CSMD1: variants seen among roughly 807,000 people sequenced by gnomAD.
CSMD1 encodes CUB and sushi domain-containing protein 1.
A neutral mutation model predicts 417.5 loss-of-function variants in CSMD1; 213 were observed. The ratio of observed to expected loss-of-function variants is 0.51; its 90% CI spans 0.46 to 0.57. The LOEUF (loss-of-function observed/expected upper bound fraction) is 0.57, where lower values mean the gene tolerates loss of function less well. Ranked by LOEUF, CSMD1 falls within the 20% of genes least tolerant of loss-of-function variation. The probability of loss-of-function intolerance (pLI) is 0.00; values close to 1 mark genes in which losing one functional copy is unlikely to be tolerated. For missense variants in CSMD1, 6,923 were observed against 4,529.7 expected (o/e 1.53, Z -15.17); for synonymous variants, 2,862 against 1,736.8 (o/e 1.65, Z -16.11).
At chr8:4,033,746 A>G (rs1205967700) in intron 3 of CSMD1, among the ~76,000 whole-genome samples, 1 of 152,156 alleles carries the variant, frequency 6.6e-6, no homozygotes, top group Non-Finnish European at 1.5e-5. Flanking sequence ...ATAATGGGGT[A>G]TTGATTCTGT....
chr8:3,877,072 A>T (rs1364881219), intron 5 of CSMD1, among the ~76,000 whole-genome samples: 3 of 152,196 alleles, frequency 2.0e-5, no homozygotes, highest in Non-Finnish European at 2.9e-5. Flanking sequence ...CAATGTCTTA[A>T]GGTTCTTACA....
chr8:3,106,543 G>C lies in CSMD1; in HGVS notation c.6934C>G (p.Leu2312Val). ...LSSQLQFEGSLPTCEAQCPAN... is the reference protein window; with the variant it reads ...LSSQLQFEGSVPTCEAQCPAN... The stretch of plus-strand genomic sequence containing the variant: ...CAGTGCATACCTTCACATGTTGGGA[G>C]AGAACCCTCAAACTGCAACTGGGAA... The change falls in exon 46 of 70, where the codon CTC becomes GTC. Residue 2312 changes from leucine (L) to valine (V), a missense_variant. By Grantham distance (32) the Leu-to-Val change is conservative. Coordinates refer to ENST00000635120, the MANE Select transcript of CSMD1 (RefSeq NM_033225.6). The C allele has an allele frequency of 6.2e-7, 1 of 1,612,504 alleles. No homozygotes were observed. Among genetic ancestry groups the C allele is most frequent in the South Asian group, 1.1e-5 (1 of 90,970 alleles).
intron 1 of CSMD1, among the ~76,000 whole-genome samples, chr8:4,991,560 G>C (rs895755567): frequency 1.2e-4 from 18 of 152,268 alleles, no homozygotes; most frequent in African/African-American, 3.8e-4. Context: ...CGCGCGCGGC[G>C]CAGCTGCCCA....
At chr8:4,348,452 A>G (rs34124324) in intron 3 of CSMD1, among the ~76,000 whole-genome samples, 18,302 of 152,006 alleles carry the variant, frequency 0.12, 1,557 homozygotes, top group African/African-American at 0.23. Flanking sequence ...GGCCTTTCTG[A>G]TCATTTGCTG....
intron 3 of CSMD1, among the ~76,000 whole-genome samples, chr8:4,365,762 C>T (rs954252485): frequency 2.6e-5 from 4 of 152,030 alleles, no homozygotes; most frequent in African/African-American, 4.8e-5. Flanking sequence ...CTCCGGTGAC[C>T]GAATTTATAG....
chr8:3,965,651 C>G lies in CSMD1; in HGVS notation c.818+32252G>C, dbSNP rs1006269216. 4.0e-5 allele frequency among the ~76,000 whole-genome samples: 6 copies of G among 151,618 alleles called. No individual in the cohort carries two copies. In the South Asian group the frequency reaches 1.3e-3, roughly 32 times the overall value. ...ATTTATTTTTGAAATGGAGTCTCAC[C>G]CTGTCGCCCAGGCTGGAGTGCAATG... On this transcript the variant is annotated intron_variant, in intron 5 of 69. Transcript: ENST00000635120.
intron 3 of CSMD1, among the ~76,000 whole-genome samples, chr8:4,363,683 G>A (rs957916520): frequency 6.6e-6 from 1 of 152,174 alleles, no homozygotes; most frequent in Admixed American, 6.5e-5. Flanking sequence ...ACATCGCTCT[G>A]TGCCTGGTTA....
At chr8:3,370,021 A>C (rs559897602) in intron 18 of CSMD1, among the ~76,000 whole-genome samples, 1 of 152,326 alleles carries the variant, frequency 6.6e-6, no homozygotes, top group East Asian at 1.9e-4. Context: ...GCCATTGTAG[A>C]ACACAATTTA....
intron 25 of CSMD1, among the ~76,000 whole-genome samples, chr8:3,304,670 C>G (rs566574974): frequency 1.3e-5 from 2 of 152,004 alleles, no homozygotes; most frequent in African/African-American, 4.8e-5. Flanking sequence ...GAAAATTTTT[C>G]AAGGTCAGTT....
intron 30 of CSMD1, among the ~76,000 whole-genome samples, chr8:3,211,731 C>T (rs1797620870): frequency 6.6e-6 from 1 of 152,200 alleles, no homozygotes; most frequent in South Asian, 2.1e-4. Context: ...GCCGTTGGCT[C>T]ACAAGCCCGG....
intron 1 of CSMD1, among the ~76,000 whole-genome samples, chr8:4,762,637 AG>A (rs1306650581): frequency 6.6e-6 from 1 of 152,102 alleles, no homozygotes; most frequent in Non-Finnish European, 1.5e-5. Context: ...CATAGGACGC[AG>A]CGTCTCCACC....
chr8:4,760,602 T>C (rs535996271), intron 1 of CSMD1, among the ~76,000 whole-genome samples: 2 of 152,244 alleles, frequency 1.3e-5, no homozygotes, highest in South Asian at 2.1e-4. Flanking sequence ...TATGAAAAAA[T>C]AGAAAAATAT....
intron 20 of CSMD1, among the ~76,000 whole-genome samples, chr8:3,363,198 C>T (rs1458429109): frequency 6.6e-6 from 1 of 152,170 alleles, no homozygotes; most frequent in East Asian, 1.9e-4. Flanking sequence ...AATCAAGTCT[C>T]AGCCTGTCAG....
chr8:4,084,346 A>T (rs1415929480), intron 3 of CSMD1, among the ~76,000 whole-genome samples: 2 of 150,588 alleles, frequency 1.3e-5, no homozygotes, highest in Non-Finnish European at 1.5e-5. Context: ...AAAAAAAAAC[A>T]AACTACAACC....
intron 3 of CSMD1, among the ~76,000 whole-genome samples, chr8:4,111,546 A>T (rs1488289367): frequency 6.6e-6 from 1 of 152,228 alleles, no homozygotes; most frequent in Non-Finnish European, 1.5e-5. Context: ...TAGACTGGAT[A>T]AAGAAAATGC....
intron 3 of CSMD1, among the ~76,000 whole-genome samples, chr8:4,332,658 A>G (rs10091031): frequency 0.5 from 73,814 of 148,694 alleles, 21,988 homozygotes; most frequent in African/African-American, 0.84. Context: ...TCTCATTACT[A>G]CCGTTTTGCT....
intron 5 of CSMD1, among the ~76,000 whole-genome samples, chr8:3,843,669 G>C (rs1025313701): frequency 2.0e-5 from 3 of 152,202 alleles, no homozygotes; most frequent in African/African-American, 4.8e-5. Context: ...AGGCCACGGA[G>C]TGAGTGACGG....
chr8:3,191,933 A>G (rs1370372139), intron 33 of CSMD1, among the ~76,000 whole-genome samples: 2 of 152,168 alleles, frequency 1.3e-5, no homozygotes, highest in Admixed American at 6.5e-5. Context: ...GTTCTCGTAT[A>G]TGAATTTTCC....
intron 1 of CSMD1, among the ~76,000 whole-genome samples, chr8:4,812,824 C>T (rs1237715412): frequency 6.6e-6 from 1 of 152,148 alleles, no homozygotes; most frequent in Non-Finnish European, 1.5e-5. Context: ...TCTAATACTC[C>T]ACTTTTCATA....
Sources: allele counts gnomAD v4.1 joint callset (sites outside exome capture counted in the v4.1 genomes callset), GRCh38; gene constraint gnomAD v4.1.1; transcripts MANE v1.5; gene names NCBI Gene and HGNC (gene_info 2026-07-23, HGNC 2026-07-21).